Variants in MCOLN2 observed in about 807,000 individuals in gnomAD.
The protein encoded by MCOLN2 is mucolipin-2.
MCOLN2 carries 57 observed loss-of-function variants against 67.5 expected under a neutral mutation model. The observed-to-expected ratio is 0.84, with a 90% confidence interval of 0.68 to 1.05. The LOEUF (loss-of-function observed/expected upper bound fraction) is 1.05. MCOLN2 is among the 50% of genes least tolerant of loss of function. MCOLN2 has a pLI of 0.00. For missense variants in MCOLN2, 620 were observed against 678.8 expected (o/e 0.91, Z 0.96); for synonymous variants, 246 against 233.3 (o/e 1.05, Z -0.50).
chr1:84,956,265 T>C (rs1432280596), intron 4 of MCOLN2, among the ~76,000 whole-genome samples, 166 bp downstream of exon 4: 2 of 152,116 alleles, frequency 1.3e-5, no homozygotes, highest in Non-Finnish European at 2.9e-5. Flanking sequence ...AACCCCACAG[T>C]TTCCTGAGCC....
intron 1 of MCOLN2, among the ~76,000 whole-genome samples, chr1:84,989,081 T>C (rs897396357): frequency 2.0e-5 from 3 of 152,214 alleles, no homozygotes; most frequent in Non-Finnish European, 4.4e-5. Flanking sequence ...CAATCTTTAT[T>C]GGTCTCCCCT....
intron 1 of MCOLN2, among the ~76,000 whole-genome samples, chr1:84,994,512 C>T (rs967590825): frequency 4.6e-5 from 7 of 152,220 alleles, no homozygotes; most frequent in African/African-American, 1.4e-4. Context: ...CTTTCTGCTT[C>T]GCCTTGCACT....
At chr1:84,987,580 A>C (rs200962917) in intron 1 of MCOLN2, among the ~76,000 whole-genome samples, 33,912 of 46,806 alleles carry the variant, frequency 0.72, 12,218 homozygotes, top group East Asian at 0.87. Context: ...ATGTATACAT[A>C]GATATATACA....
At chr1:84,958,377 T>A in intron 3 of MCOLN2, 152 bp downstream of exon 3, 2 of 553,186 alleles carry the variant, frequency 3.6e-6, no homozygotes, top group Non-Finnish European at 3.0e-6. Flanking sequence ...TGTAGAAATG[T>A]AGCTTCAGAA....
chr1:84,929,748 C>A, intron 12 of MCOLN2, 69 bp from the exon 13 acceptor site: 2 of 1,501,360 alleles, frequency 1.3e-6, no homozygotes, highest in Non-Finnish European at 1.8e-6. Flanking sequence ...GTCAACAAAC[C>A]AAGCCCACCT....
intron 1 of MCOLN2, among the ~76,000 whole-genome samples, chr1:84,987,584 A>G (rs199817406): frequency 0.58 from 33,807 of 57,938 alleles, 12,205 homozygotes; most frequent in East Asian, 0.82. Context: ...ATACATAGAT[A>G]TATACATATG....
rs371433030 is a variant in MCOLN2, at chr1:84,951,516, A to G, written c.747+727T>C. ...AAGAGAAACAACTGCTCCTTTGCAG[A>G]CTGGTCTTCACATCAGTGGAGCAGT... is the stretch of plus-strand genomic sequence containing the variant. On this transcript the variant is annotated intron_variant, in intron 6 of 13. Coordinates refer to ENST00000370608, the MANE Select transcript of MCOLN2 (RefSeq NM_153259.4). Among the ~76,000 whole-genome samples the G allele has an allele frequency of 7.5e-4, 114 of 152,366 alleles. 1 individual carries two copies. The South Asian group carries it at 0.023, about 30-fold the overall frequency.
At chr1:84,941,522 A>G (rs565811351) in intron 7 of MCOLN2, among the ~76,000 whole-genome samples, 23 of 152,314 alleles carry the variant, frequency 1.5e-4, no homozygotes, top group African/African-American at 5.3e-4. Flanking sequence ...AAACAAAAAC[A>G]AAAGCAAAAA....
chr1:84,982,877 TTA>T (rs1333393936), intron 1 of MCOLN2, among the ~76,000 whole-genome samples: 2 of 152,038 alleles, frequency 1.3e-5, no homozygotes, highest in Non-Finnish European at 2.9e-5. Flanking sequence ...TAATTTTTTA[TTA>T]TTATTATTTT....
intron 11 of MCOLN2, among the ~76,000 whole-genome samples, chr1:84,933,038 TCTC>T (rs1370269445): frequency 6.6e-6 from 1 of 152,174 alleles, no homozygotes; most frequent in Admixed American, 6.6e-5. Flanking sequence ...GTGCTTATCT[TCTC>T]CTCCAACACC....
chr1:84,987,551 T>G (rs1650640550), intron 1 of MCOLN2, among the ~76,000 whole-genome samples: 1 of 97,488 alleles, frequency 1.0e-5, no homozygotes, highest in Non-Finnish European at 2.0e-5. Flanking sequence ...CATAGATGTA[T>G]ACATCTATGT....
chr1:84,987,745 A>G (rs1650692225), intron 1 of MCOLN2, among the ~76,000 whole-genome samples: 1 of 135,932 alleles, frequency 7.4e-6, no homozygotes, highest in African/African-American at 2.8e-5. Context: ...TATAAAAAGG[A>G]ACAAAATAAT....
chr1:84,991,763 A>C (rs1650900342), intron 1 of MCOLN2, among the ~76,000 whole-genome samples: 1 of 152,204 alleles, frequency 6.6e-6, no homozygotes, highest in Non-Finnish European at 1.5e-5. Flanking sequence ...AAGCAGAACT[A>C]GGGCTGCATA....
At position 84,926,777 on chromosome 1, in the gene MCOLN2, G is replaced by A; in HGVS notation, c.1665-56C>T. On this transcript the variant is annotated intron_variant, in intron 13 of 13. Coordinates refer to ENST00000370608, the MANE Select transcript of MCOLN2 (RefSeq NM_153259.4). ...AAAGATACAATACTTTAACATCTTT[G>A]AGGAGCAATAGGAATACTCTATATT... The A allele has an allele frequency of 5.1e-6, 7 of 1,363,110 alleles. No individual in the cohort carries two copies. In the South Asian group the frequency reaches 8.1e-5, roughly 16 times the overall value. 84.4% of individuals were successfully genotyped at this position (1,363,110 alleles called of 1,614,324 possible). A position where few individuals can be genotyped will look rare whatever the true frequency, so the allele number is the denominator to read the frequency against.
chr1:84,954,533 G>C (rs140853798), intron 4 of MCOLN2, among the ~76,000 whole-genome samples: 90 of 152,312 alleles, frequency 5.9e-4, no homozygotes, highest in African/African-American at 2.2e-3. Context: ...GGCACTATTA[G>C]TGCCATTTCA....
At chr1:84,968,364 C>T (rs970211187) in intron 1 of MCOLN2, among the ~76,000 whole-genome samples, 4 of 152,178 alleles carry the variant, frequency 2.6e-5, no homozygotes, top group South Asian at 2.1e-4. Context: ...TTCATATCCC[C>T]GGAAACACCC....
At chr1:84,929,766 A>G in intron 12 of MCOLN2, 87 bp from the exon 13 acceptor site, 1 of 1,339,794 alleles carries the variant, frequency 7.5e-7, no homozygotes, top group Non-Finnish European at 1.0e-6. Context: ...CCTTTGCTAA[A>G]ATAAAACTCT....
chr1:84,958,675 G>C lies in MCOLN2; in HGVS notation c.265C>G (p.Leu89Val). 6.3e-7 allele frequency: 1 copy of C among 1,585,278 alleles called. No homozygotes were observed. The highest frequency in any genetic ancestry group is 8.5e-7 in the Non-Finnish European group (1 of 1,170,354). The change falls in exon 3 of 14, where the codon CTG (leucine) becomes GTG (valine). Residue 89 changes from leucine (L) to valine (V), a missense_variant. Physicochemically the swap from Leu to Val is conservative, Grantham distance 32 (BLOSUM62 1). Coordinates refer to ENST00000370608, the MANE Select transcript of MCOLN2 (RefSeq NM_153259.4). Reference sequence around the variant, plus strand: ...TTATCTTCTTTGAAAGCAACCACCAGCTGGTTACTTAAACCAAAACGAACA... The same window carrying C: ...TTATCTTCTTTGAAAGCAACCACCACCTGGTTACTTAAACCAAAACGAACA... ...QLVRFGLSNQ[L>V]VVAFKEDNTV...
At position 84,952,115 on chromosome 1, in the gene MCOLN2, A is replaced by G. The variant is rs1648515887; in HGVS notation, c.747+128T>C. 11 of 632,902 alleles carry G rather than the reference A, an allele frequency of 1.7e-5. No homozygotes were observed. In the South Asian group the frequency reaches 2.3e-4, roughly 13 times the overall value. 39.2% of individuals were successfully genotyped at this position (632,902 alleles called of 1,614,324 possible). A position where few individuals can be genotyped will look rare whatever the true frequency, so the allele number is the denominator to read the frequency against. ...AAAAAAGAAAAGAGTATCATATTGT[A>G]TCACTAAATCTGTTTTAAACATGAC... On this transcript the variant is annotated intron_variant, in intron 6 of 13. Transcript: ENST00000370608.
Sources: allele counts gnomAD v4.1 joint callset (sites outside exome capture counted in the v4.1 genomes callset), GRCh38; gene constraint gnomAD v4.1.1; transcripts MANE v1.5; gene names NCBI Gene and HGNC (gene_info 2026-07-23, HGNC 2026-07-21).